The following ZNF670 variants were observed in gnomAD, a reference collection of about 807,000 sequenced individuals.
The protein encoded by ZNF670 is zinc finger protein 670.
ZNF670 carries 7 observed loss-of-function variants against 10.9 expected under a neutral mutation model. The observed-to-expected ratio is 0.64, with a 90% confidence interval of 0.36 to 1.20. The LOEUF is 1.20. Among genes scored for constraint, ZNF670 ranks in the 50% most tolerant of loss-of-function variants. ZNF670 has a pLI of 0.02. For synonymous variants in ZNF670, 136 were observed against 152.7 expected (o/e 0.89, Z 0.81); for missense variants, 446 against 458.6 (o/e 0.97, Z 0.25).
At chr1:247,074,115 C>T (rs1671198452) in intron 1 of ZNF670, among the ~76,000 whole-genome samples, 1 of 152,198 alleles carries the variant, frequency 6.6e-6, no homozygotes, top group Non-Finnish European at 1.5e-5. Flanking sequence ...CTCATTATGA[C>T]TTAGATGATG....
intron 1 of ZNF670, among the ~76,000 whole-genome samples, chr1:247,054,834 T>A (rs577753506): frequency 6.6e-6 from 1 of 151,818 alleles, no homozygotes; most frequent in African/African-American, 2.4e-5. Flanking sequence ...TAATAATGAG[T>A]TATAAGACAG....
chr1:247,065,156 T>TA (rs1670953097), intron 1 of ZNF670, among the ~76,000 whole-genome samples: 1 of 152,136 alleles, frequency 6.6e-6, no homozygotes, highest in Admixed American at 6.5e-5. Flanking sequence ...AATAAGAAAC[T>TA]AAAATTACTA....
intron 1 of ZNF670, among the ~76,000 whole-genome samples, chr1:247,067,867 G>T (rs1428306448): frequency 1.3e-5 from 1 of 75,538 alleles, no homozygotes; most frequent in Non-Finnish European, 2.8e-5. Flanking sequence ...AAAAAAAAAA[G>T]CTCCAGCACA....
At chr1:247,054,327 C>T (rs1033463871) in intron 1 of ZNF670, among the ~76,000 whole-genome samples, 1 of 152,198 alleles carries the variant, frequency 6.6e-6, no homozygotes, top group African/African-American at 2.4e-5. Context: ...TGCCAGCTGG[C>T]ATGGCTAAGG....
intron 1 of ZNF670, among the ~76,000 whole-genome samples, chr1:247,054,826 A>T (rs936829067): frequency 4.6e-5 from 7 of 152,202 alleles, no homozygotes; most frequent in African/African-American, 1.7e-4. Flanking sequence ...AATAATAATA[A>T]TAATGAGTTA....
In ZNF670 at chr1:247,075,576, G is replaced by A. The variant is rs182202122; in HGVS notation, c.3+3018C>T. 8.8e-4 allele frequency among the ~76,000 whole-genome samples: 134 copies of A among 152,264 alleles called. 1 individual carries two copies. Among genetic ancestry groups the A allele is most frequent in the African/African-American group, 3.1e-3 (130 of 41,558 alleles). ...GGCAGGTCTTTCCCCTGCTGTTCTG[G>A]TGATAGCGAATACGTTTCATGAGAT... On this transcript the variant is annotated intron_variant, in intron 1 of 3. Transcript: ENST00000366503.
At position 247,035,325 on chromosome 1, in the gene ZNF670, G is replaced by A. The variant is rs1400440781; in HGVS notation, c.*2124C>T. Among the ~76,000 whole-genome samples the A allele has an allele frequency of 1.3e-5, 2 of 152,178 alleles. No homozygotes were observed. Among genetic ancestry groups the A allele is most frequent in the Non-Finnish European group, 2.9e-5 (2 of 68,028 alleles). ...TTACATACATTCATAGACAAAAAAG[G>A]GAGGGTTCTGTAAACGAGGCTGGTC... is the stretch of plus-strand genomic sequence containing the variant. On this transcript the variant is annotated 3_prime_UTR_variant, in exon 4 of 4. Transcript: ENST00000366503.
chr1:247,075,879 G>T (rs1671239625), intron 1 of ZNF670, among the ~76,000 whole-genome samples: 1 of 152,126 alleles, frequency 6.6e-6, no homozygotes, highest in African/African-American at 2.4e-5. Flanking sequence ...ACAGACTTGA[G>T]AAACTTACTA....
At chr1:247,069,879 T>C (rs1406513476) in intron 1 of ZNF670, among the ~76,000 whole-genome samples, 2 of 152,148 alleles carry the variant, frequency 1.3e-5, no homozygotes, top group Admixed American at 6.5e-5. Flanking sequence ...GAGGTGGGGA[T>C]GGTTAATGCG....
chr1:247,043,944 GT>G, intron 1 of ZNF670: 2 of 188,618 alleles, frequency 1.1e-5, no homozygotes, highest in Non-Finnish European at 1.1e-5. Context: ...CCTTATGTGA[GT>G]TTTTGAACAA....
At chr1:247,038,497 A>ACTTGCATTTTCC in intron 3 of ZNF670, 70 bp from the exon 4 acceptor site, 2 of 1,466,852 alleles carry the variant, frequency 1.4e-6, no homozygotes, top group Non-Finnish European at 1.8e-6. Context: ...TACCATGGAA[A>ACTTGCATTTTCC]ATGCAAGTTT....
chr1:247,039,152 A>C (rs551184172), intron 2 of ZNF670, among the ~76,000 whole-genome samples: 2 of 142,738 alleles, frequency 1.4e-5, no homozygotes, highest in East Asian at 4.0e-4. Flanking sequence ...TCCACTTCCT[A>C]GGTTCCAGCA....
intron 1 of ZNF670, among the ~76,000 whole-genome samples, chr1:247,041,471 TAGTC>T (rs775214590): frequency 2.0e-5 from 3 of 151,976 alleles, no homozygotes; most frequent in Admixed American, 1.3e-4. Flanking sequence ...AAATAGAAAA[TAGTC>T]AGGTATATGA....
At chr1:247,056,729 C>A (rs1304116294) in intron 1 of ZNF670, among the ~76,000 whole-genome samples, 1 of 152,034 alleles carries the variant, frequency 6.6e-6, no homozygotes, top group African/African-American at 2.4e-5. Context: ...GACAAAGGTA[C>A]CAAGAACACA....
At chr1:247,059,351 C>T (rs1341093698) in intron 1 of ZNF670, among the ~76,000 whole-genome samples, 3 of 152,078 alleles carry the variant, frequency 2.0e-5, no homozygotes, top group Admixed American at 2.0e-4. Context: ...GAGGCTGAGG[C>T]AGGAGAATGG....
chr1:247,078,608 C>T lies in ZNF670; in HGVS notation c.-12G>A. On this transcript the variant is annotated 5_prime_UTR_variant, in exon 1 of 4. Transcript: ENST00000366503. ...GGCACACTCACCATTTCCCAGTCTC[C>T]GGTGTCTGGGGTCCTCCCTAAGGAC... The T allele has an allele frequency of 1.2e-6, 2 of 1,613,896 alleles. No individual in the cohort carries two copies. Among genetic ancestry groups the T allele is most frequent in the Non-Finnish European group, 1.7e-6 (2 of 1,179,896 alleles).
At position 247,037,777 on chromosome 1, in the gene ZNF670, T is replaced by C. The variant is rs370919641; in HGVS notation, c.842A>G (p.Tyr281Cys). Residue 281 changes from tyrosine (Y) to cysteine (C), a missense_variant, in exon 4 of 4, where the codon TAT becomes TGT. Transcript: ENST00000366503. ...GGCTTTGCCACATTTTATACATTCA[T>C]AGGGTTTTTCTCCAGTATGCGTTCT... The part of the protein sequence containing the change: ...HERTHTGEKP[Y>C]ECIKCGKAFR... The C allele has an allele frequency of 6.2e-6, 10 of 1,613,814 alleles. No homozygotes were observed. Among genetic ancestry groups the C allele is most frequent in the African/African-American group, 5.3e-5 (4 of 74,924 alleles).
rs993831479 is a variant in ZNF670, at chr1:247,037,267, G to A, written c.*182C>T. ...ATTTTATGACGTTCTTTCCCAGGAC[G>A]GGTCCTTCTAAGTTTTAGAAGGGAA... On this transcript the variant is annotated 3_prime_UTR_variant, in exon 4 of 4. Coordinates refer to ENST00000366503, the MANE Select transcript of ZNF670 (RefSeq NM_033213.5). 1.7e-5 allele frequency: 10 copies of A among 602,656 alleles called. No individual in the cohort carries two copies. The highest frequency in any genetic ancestry group is 7.4e-5 in the Admixed American group (2 of 26,982). 37.3% of individuals were successfully genotyped at this position (602,656 alleles called of 1,614,324 possible). A position where few individuals can be genotyped will look rare whatever the true frequency, so the allele number is the denominator to read the frequency against.
At chr1:247,052,133 C>T (rs1670612620) in intron 1 of ZNF670, among the ~76,000 whole-genome samples, 1 of 151,976 alleles carries the variant, frequency 6.6e-6, no homozygotes, top group Non-Finnish European at 1.5e-5. Context: ...TGCTGGGGAG[C>T]TTGTGTGATT....
Sources: gnomAD v4.1 joint callset for allele counts (sites outside exome capture counted in the v4.1 genomes callset) on GRCh38, gnomAD v4.1.1 for gene constraint, MANE v1.5 for transcripts, NCBI Gene and HGNC (gene_info 2026-07-23, HGNC 2026-07-21) for gene names.